Variants in PRMT8 observed in about 807,000 individuals in gnomAD.
PRMT8 encodes the protein protein arginine methyltransferase 8, also known as protein arginine N-methyltransferase 8.
PRMT8 carries 7 observed loss-of-function variants against 47.1 expected under a neutral mutation model. The observed-to-expected ratio is 0.15, with a 90% CI of 0.08 to 0.28. PRMT8 has a LOEUF of 0.28. Among genes scored for constraint, PRMT8 ranks in the 10% least tolerant of loss-of-function variants. The probability of loss-of-function intolerance (pLI) is 1.00; values close to 1 mark genes in which losing one functional copy is unlikely to be tolerated. For synonymous variants in PRMT8, 188 were observed against 186.5 expected, an observed-to-expected ratio of 1.01 and a Z score of -0.07; for missense variants, 237 against 505.4, an observed-to-expected ratio of 0.47 and a Z score of 5.09.
intron 1 of PRMT8, among the ~76,000 whole-genome samples, chr12:3,443,761 G>A (rs994393524): frequency 1.3e-5 from 2 of 152,158 alleles, no homozygotes; most frequent in Non-Finnish European, 2.9e-5. Context: ...CTCCCTAGAG[G>A]CTGCACAGGC....
chr12:3,403,849 C>G (rs1864344732), intron 1 of PRMT8, among the ~76,000 whole-genome samples: 1 of 133,970 alleles, frequency 7.5e-6, no homozygotes, highest in Non-Finnish European at 1.5e-5. Context: ...TGCACTCCAG[C>G]CTGGGCAACA....
At position 3,583,242 on chromosome 12, in the gene PRMT8, C is replaced by G; in HGVS notation, c.979+34C>G. ...TTTGTTGCTTCCCAGAGCCTCCTCC[C>G]TCTCCCATGCTTCCTCAAGTCTTTG... is the stretch of plus-strand genomic sequence containing the variant. On this transcript the variant is annotated intron_variant, in intron 8 of 9. Transcript: ENST00000382622. This position sits in a 1 kb window ranked among gnomAD's most constrained non-coding sequence, Gnocchi z 4.7. 1 of 1,579,826 alleles carries G rather than the reference C, an allele frequency of 6.3e-7. No individual in the cohort carries two copies. The highest frequency in any genetic ancestry group is 8.6e-7 in the Non-Finnish European group (1 of 1,161,202).
At chr12:3,393,069 T>C (rs1338173415) in intron 1 of PRMT8, among the ~76,000 whole-genome samples, 1 of 152,254 alleles carries the variant, frequency 6.6e-6, no homozygotes, top group Non-Finnish European at 1.5e-5. Flanking sequence ...GTTTGTTTTT[T>C]TTCTTGTAAA....
rs999901412 is a variant in PRMT8 at position 3,569,808 on chromosome 12, A to T, written c.712+244A>T. ...GAGAGAAATGTCCTGGGGTGAAAGA[A>T]TGAATGCAATGTGAATTAAAAATTG... On this transcript the variant is annotated intron_variant, in intron 6 of 9. Transcript: ENST00000382622. The surrounding 1 kb of genome is among the most constrained non-coding windows in gnomAD (Gnocchi z 8.2). Among the ~76,000 whole-genome samples, 1 of 152,228 alleles carries T rather than the reference A, an allele frequency of 6.6e-6. No homozygotes were observed. The highest frequency in any genetic ancestry group is 2.4e-5 in the African/African-American group (1 of 41,464).
intron 1 of PRMT8, among the ~76,000 whole-genome samples, chr12:3,529,997 T>C (rs1226812445): frequency 6.6e-6 from 1 of 152,176 alleles, no homozygotes; most frequent in African/African-American, 2.4e-5. Flanking sequence ...GTGTGTGGAA[T>C]TATGGATGCT....
chr12:3,413,471 C>T (rs1864452677), intron 1 of PRMT8, among the ~76,000 whole-genome samples: 1 of 152,196 alleles, frequency 6.6e-6, no homozygotes, highest in Admixed American at 6.5e-5. Flanking sequence ...TATCCTAGGC[C>T]TACACAGGGT....
chr12:3,468,137 A>G lies in PRMT8; in HGVS notation c.49-72469A>G, dbSNP rs772173653. Among the ~76,000 whole-genome samples the G allele has an allele frequency of 1.1e-3, 174 of 152,286 alleles. 1 individual carries two copies. Among genetic ancestry groups the G allele is most frequent in the Non-Finnish European group, 2.3e-3 (157 of 68,028 alleles). ...GGGCCTTCGAAAGAACTTAGTATAGATGTGGGCTTGTGGCTGGTGAGTCTC... is the reference window on the plus strand; with the variant it reads ...GGGCCTTCGAAAGAACTTAGTATAGGTGTGGGCTTGTGGCTGGTGAGTCTC... On this transcript the variant is annotated intron_variant, in intron 1 of 9. Transcript: ENST00000452611.
At chr12:3,451,033 ACCCCCCCCCC>A (rs71061115) in intron 1 of PRMT8, among the ~76,000 whole-genome samples, 7 of 26,118 alleles carry the variant, frequency 2.7e-4, no homozygotes, top group African/African-American at 6.2e-4. Context: ...TCTTGCTGAC[ACCCCCCCCCC>A]CCCCCCCCCC....
intron 1 of PRMT8, chr12:3,381,567 G>A (rs938407919): frequency 2.8e-5 from 25 of 878,928 alleles, no homozygotes; most frequent in Admixed American, 8.5e-5. Flanking sequence ...GCCTGCTCAC[G>A]TCTCTGTTTC....
chr12:3,574,888 G>A (rs1565446683), intron 6 of PRMT8, among the ~76,000 whole-genome samples: 1 of 152,208 alleles, frequency 6.6e-6, no homozygotes, highest in Non-Finnish European at 1.5e-5. Flanking sequence ...AAAAGAGCAG[G>A]TGCATAGCTG....
chr12:3,579,320 G>A (rs1867008388), intron 7 of PRMT8, among the ~76,000 whole-genome samples: 1 of 152,096 alleles, frequency 6.6e-6, no homozygotes, highest in Non-Finnish European at 1.5e-5. Flanking sequence ...GGCAGGTGTA[G>A]CCACTGCATT....
chr12:3,537,944 A>G (rs972945147), intron 1 of PRMT8, among the ~76,000 whole-genome samples: 1 of 152,064 alleles, frequency 6.6e-6, no homozygotes, highest in South Asian at 2.1e-4. Context: ...GAGCCCAAAC[A>G]CAGAAGTCAC....
At chr12:3,398,471 G>C (rs1345725960) in intron 1 of PRMT8, among the ~76,000 whole-genome samples, 5 of 152,230 alleles carry the variant, frequency 3.3e-5, no homozygotes, top group Non-Finnish European at 7.3e-5. Flanking sequence ...TTCAGAAAGA[G>C]AGTTGATCTC....
intron 6 of PRMT8, among the ~76,000 whole-genome samples, chr12:3,575,536 G>A (rs1231745954): frequency 3.3e-5 from 5 of 152,222 alleles, no homozygotes; most frequent in African/African-American, 1.2e-4. Context: ...AGGATTTAGG[G>A]GACATGCTGG....
At chr12:3,386,487 A>G (rs1591534942) in intron 1 of PRMT8, among the ~76,000 whole-genome samples, 1 of 152,136 alleles carries the variant, frequency 6.6e-6, no homozygotes, top group Non-Finnish European at 1.5e-5. Flanking sequence ...ACCTTTCCCC[A>G]ACCTACTGAA....
At chr12:3,415,062 C>T (rs549752513) in intron 1 of PRMT8, among the ~76,000 whole-genome samples, 1 of 152,192 alleles carries the variant, frequency 6.6e-6, no homozygotes, top group South Asian at 2.1e-4. Flanking sequence ...TTTACCTGTG[C>T]TTCTGACCCA....
At chr12:3,534,210 A>G (rs537065392) in intron 1 of PRMT8, among the ~76,000 whole-genome samples, 1 of 152,396 alleles carries the variant, frequency 6.6e-6, no homozygotes, top group Admixed American at 6.5e-5. Flanking sequence ...TCAGGTTAGA[A>G]AAAGCTCTCT....
chr12:3,479,756 T>G (rs1865255056), intron 1 of PRMT8, among the ~76,000 whole-genome samples: 1 of 152,214 alleles, frequency 6.6e-6, no homozygotes, highest in Non-Finnish European at 1.5e-5. Context: ...CTTGGCCTTA[T>G]GCCATCTTTG....
chr12:3,438,498 T>C (rs1397274818), intron 1 of PRMT8, among the ~76,000 whole-genome samples: 1 of 152,226 alleles, frequency 6.6e-6, no homozygotes, highest in African/African-American at 2.4e-5. Flanking sequence ...CAACAAGGTC[T>C]TTTGATAGAG....
Sources: gnomAD v4.1 joint callset for allele counts (sites outside exome capture counted in the v4.1 genomes callset) on GRCh38, gnomAD v4.1.1 for gene constraint, Gnocchi (gnomAD v3.1) non-coding constraint, MANE v1.5 for transcripts, NCBI Gene and HGNC (gene_info 2026-07-23, HGNC 2026-07-21) for gene names.